SBF1: variants seen among roughly 807,000 people sequenced by gnomAD.
SBF1 encodes myotubularin-related protein 5.
A neutral mutation model predicts 215.8 loss-of-function variants in SBF1; 65 were observed. That is an observed-to-expected ratio of 0.30 (90% confidence interval 0.25 to 0.37). The LOEUF (loss-of-function observed/expected upper bound fraction) is 0.37. SBF1 is among the 10% of genes least tolerant of loss of function. The probability of loss-of-function intolerance (pLI) is 1.00; values close to 1 mark genes in which losing one functional copy is unlikely to be tolerated. For missense variants in SBF1, 2,634 were observed against 2,667.8 expected (o/e 0.99, Z 0.28); for synonymous variants, 1,410 against 1,122.8 (o/e 1.26, Z -5.11).
Position 50,462,089 on chromosome 22 carries a change from G to A in SBF1, c.2427C>T (p.Asp809=), listed in dbSNP as rs1338983864. The change falls in exon 20 of 41, where the codon GAC becomes GAT. Residue 809 remains aspartate (D), a synonymous_variant. Coordinates refer to ENST00000380817, the MANE Select transcript of SBF1 (RefSeq NM_002972.4). ...SMAGSVAESY[D]TESGFEDAET... ...CTGCATCCTCGAAGCCGCTCTCCGTGTCATAGCTCTCGGCCACACTGCCAG... is the reference window on the plus strand; with the variant it reads ...CTGCATCCTCGAAGCCGCTCTCCGTATCATAGCTCTCGGCCACACTGCCAG... The A allele has an allele frequency of 3.1e-6, 5 of 1,613,798 alleles. No homozygotes were observed. Among genetic ancestry groups the A allele is most frequent in the Non-Finnish European group, 4.2e-6 (5 of 1,180,050 alleles).
At chr22:50,466,576 C>T (rs936042272) in intron 6 of SBF1, 29 bp downstream of exon 6, 16 of 1,535,860 alleles carry the variant, frequency 1.0e-5, no homozygotes, top group Non-Finnish European at 1.4e-5. Context: ...CGAGGGGAAG[C>T]CATGCGGGGG....
At position 50,462,074 on chromosome 22, in the gene SBF1, G is replaced by A. The variant is rs775430601; in HGVS notation, c.2442C>T (p.Phe814=). 9.9e-6 allele frequency: 16 copies of A among 1,613,974 alleles called. No individual in the cohort carries two copies. Among genetic ancestry groups the A allele is most frequent in the Admixed American group, 6.7e-5 (4 of 60,014 alleles). Residue 814 remains phenylalanine (F), a synonymous_variant, in exon 20 of 41, where the codon TTC becomes TTT. Coordinates refer to ENST00000380817, the MANE Select transcript of SBF1 (RefSeq NM_002972.4). The stretch of plus-strand genomic sequence containing the variant: ...CTACGTCGCAGGTCTCTGCATCCTC[G>A]AAGCCGCTCTCCGTGTCATAGCTCT... ...VAESYDTESG[F]EDAETCDVAG...
rs1295790119 is a variant in SBF1, at chr22:50,474,906, C to A, written c.-66G>T. Reference sequence around the variant, plus strand: ...CCGCGGCTCGGGGACTCGAGGACGGCGCGCTCATGGCCCGGCCCCGGCCCT... The same window carrying A: ...CCGCGGCTCGGGGACTCGAGGACGGAGCGCTCATGGCCCGGCCCCGGCCCT... On this transcript the variant is annotated 5_prime_UTR_variant, in exon 1 of 41. Coordinates refer to ENST00000380817, the MANE Select transcript of SBF1 (RefSeq NM_002972.4). The A allele has an allele frequency of 2.7e-5, 32 of 1,166,432 alleles. No individual in the cohort carries two copies. Among genetic ancestry groups the A allele is most frequent in the Admixed American group, 4.2e-5 (1 of 24,036 alleles). The allele number at this position is 1,166,432 out of a possible 1,614,324, so 72.3% of individuals were successfully genotyped here. A position where few individuals can be genotyped will look rare whatever the true frequency, so the allele number is the denominator to read the frequency against.
At position 50,457,029 on chromosome 22, in the gene SBF1, G is replaced by C. The variant is rs115032856; in HGVS notation, c.3904+5C>G. On this transcript the variant is annotated splice_donor_5th_base_variant and intron_variant, in intron 29 of 40. Coordinates refer to ENST00000380817, the MANE Select transcript of SBF1 (RefSeq NM_002972.4). ...AGGCGGGCCTGCGCAGGCTCGGTACGGTACCTCGGGGTGCGGTCCGTCTGG... is the reference window on the plus strand; with the variant it reads ...AGGCGGGCCTGCGCAGGCTCGGTACCGTACCTCGGGGTGCGGTCCGTCTGG... The C allele has an allele frequency of 3.6e-3, 5,106 of 1,429,302 alleles. 13 individuals carry two copies. Among genetic ancestry groups the C allele is most frequent in the Non-Finnish European group, 4.3e-3 (4,734 of 1,093,604 alleles). The allele number at this position is 1,429,302 out of a possible 1,614,324, so 88.5% of individuals were successfully genotyped here.
Position 50,462,073 on chromosome 22 carries a change from C to T in SBF1, c.2443G>A (p.Glu815Lys), listed in dbSNP as rs770960734. 2 of 1,613,964 alleles carry T rather than the reference C, an allele frequency of 1.2e-6. No homozygotes were observed. The highest frequency in any genetic ancestry group is 1.3e-5 in the African/African-American group (1 of 74,950). ...AESYDTESGF[E>K]DAETCDVAGA... ...GCTACGTCGCAGGTCTCTGCATCCT[C>T]GAAGCCGCTCTCCGTGTCATAGCTC... Residue 815 changes from glutamate to lysine, a missense_variant, in exon 20 of 41, where the codon GAG becomes AAG. Transcript: ENST00000380817.
chr22:50,467,259 G>A (rs2067807316), intron 5 of SBF1, 79 bp downstream of exon 5: 2 of 1,193,792 alleles, frequency 1.7e-6, no homozygotes, highest in South Asian at 1.3e-5. Flanking sequence ...GTGTGGCTCT[G>A]GCTGGGCTCC....
chr22:50,473,020 GACAC>G (rs1330394748), intron 1 of SBF1, among the ~76,000 whole-genome samples: 1 of 152,156 alleles, frequency 6.6e-6, no homozygotes, highest in East Asian at 1.9e-4. Flanking sequence ...CTGCGCAAAG[GACAC>G]ACACAAACAG....
chr22:50,468,348 G>C (rs2067866925), intron 2 of SBF1, 28 bp downstream of exon 2: 1 of 1,604,012 alleles, frequency 6.2e-7, no homozygotes, highest in Admixed American at 1.7e-5. Flanking sequence ...CCACCTGCCA[G>C]CACCGTCTCA....
intron 10 of SBF1, among the ~76,000 whole-genome samples, 170 bp downstream of exon 10, chr22:50,465,593 A>G (rs1305121984): frequency 1.3e-5 from 2 of 151,932 alleles, no homozygotes; most frequent in Non-Finnish European, 2.9e-5. Flanking sequence ...TGCACCACTC[A>G]CGACCACCAC....
chr22:50,467,169 G>A (rs1437929307), intron 5 of SBF1, 169 bp downstream of exon 5: 3 of 617,332 alleles, frequency 4.9e-6, no homozygotes, highest in Non-Finnish European at 8.6e-6. Flanking sequence ...CAGGTGCGAG[G>A]GCCAGGTAAG....
At chr22:50,460,189 C>T (rs745539003) in intron 25 of SBF1, 30 bp from the exon 26 acceptor site, 2 of 1,607,146 alleles carry the variant, frequency 1.2e-6, no homozygotes, top group Admixed American at 1.7e-5. Flanking sequence ...GTGGTCATCA[C>T]GGGGCCACTC....
chr22:50,446,356 T>TCTCCCCCCCC lies in SBF1; in HGVS notation c.*785_*786insGGGGGGGGAG, dbSNP rs1491577679. 2.9e-5 allele frequency: 1 copy of TCTCCCCCCCC among 35,048 alleles called. No homozygotes were observed. The highest frequency in any genetic ancestry group is 1.3e-4 in the African/African-American group (1 of 7,646). The allele number at this position is 35,048 out of a possible 1,614,324, so 2.2% of individuals were successfully genotyped here. ...CCTGCATTCCCCTGGGAGCCCACTG[T>TCTCCCCCCCC]CCCCCCCCCCCCCCCGCCTCCGGCC... is the stretch of plus-strand genomic sequence containing the variant. On this transcript the variant is annotated 3_prime_UTR_variant, in exon 41 of 41. Transcript: ENST00000380817.
chr22:50,468,766 G>A (rs55787804), intron 1 of SBF1, among the ~76,000 whole-genome samples: 41,765 of 151,796 alleles, frequency 0.28, 6,604 homozygotes, highest in Middle Eastern at 0.36. Flanking sequence ...TCAACACTTC[G>A]GGACTGTTCC....
intron 1 of SBF1, among the ~76,000 whole-genome samples, chr22:50,474,157 G>A (rs1309828299): frequency 2.6e-5 from 4 of 152,208 alleles, no homozygotes; most frequent in South Asian, 2.1e-4. Context: ...AGGGCTTGGC[G>A]TGCAGGGCCT....
rs6010103 is a variant in SBF1 at position 50,467,679 on chromosome 22, G to T, written c.291C>A (p.Arg97=). ...CCTCCCTCTCTGTGGCATCCTCCAC[G>T]CGCGTCGTTTCCTGCTGGGGGTCAG... ...EPAEPSQETT[R]VEDATEREEE... Residue 97 remains arginine (R), a synonymous_variant, in exon 4 of 41, where the codon CGC becomes CGA. Transcript: ENST00000380817. 6.2e-7 allele frequency: 1 copy of T among 1,612,616 alleles called. No homozygotes were observed. The highest frequency in any genetic ancestry group is 1.1e-5 in the South Asian group (1 of 91,012).
chr22:50,457,160 G>A (rs372964876), intron 28 of SBF1, 49 bp from the exon 29 acceptor site: 391 of 1,396,536 alleles, frequency 2.8e-4, no homozygotes, highest in Non-Finnish European at 3.5e-4. Context: ...AGGCCTGGGC[G>A]TGCCCAGCTT....
chr22:50,474,637 C>A, intron 1 of SBF1, 149 bp downstream of exon 1: 1 of 545,616 alleles, frequency 1.8e-6, no homozygotes, highest in Non-Finnish European at 2.9e-6. Context: ...GTCCTCGGCC[C>A]TCAGCGCCCG....
At chr22:50,468,072 TG>T in intron 2 of SBF1, 149 bp from the exon 3 acceptor site, 1 of 990,110 alleles carries the variant, frequency 1.0e-6, no homozygotes, top group Non-Finnish European at 1.5e-6. Context: ...CGTGGCCTCC[TG>T]GGCCTCAGTC....
In SBF1 at chr22:50,446,774, G is replaced by C; in HGVS notation, c.*368C>G. The C allele has an allele frequency of 1.8e-6, 1 of 557,058 alleles. No individual in the cohort carries two copies. Among genetic ancestry groups the C allele is most frequent in the Admixed American group, 2.1e-5 (1 of 47,532 alleles). The allele number at this position is 557,058 out of a possible 1,614,324, so 34.5% of individuals were successfully genotyped here. ...CCTCTGGGTAGGCCGAGAGCAGGCA[G>C]CCGGGGAGTGGGGAAGGCAGGCACA... On this transcript the variant is annotated 3_prime_UTR_variant, in exon 41 of 41. Coordinates refer to ENST00000380817, the MANE Select transcript of SBF1 (RefSeq NM_002972.4).
Sources: gnomAD v4.1 joint callset for allele counts (sites outside exome capture counted in the v4.1 genomes callset) on GRCh38, gnomAD v4.1.1 for gene constraint, MANE v1.5 for transcripts, NCBI Gene and HGNC (gene_info 2026-07-23, HGNC 2026-07-21) for gene names.